Variants in PLCL2 observed in about 807,000 individuals in gnomAD.
PLCL2 encodes the protein inactive phospholipase C-like protein 2.
PLCL2 carries 4 observed loss-of-function variants against 79.6 expected under a neutral mutation model. That is an observed-to-expected ratio of 0.05 (90% CI 0.02 to 0.11). The LOEUF (loss-of-function observed/expected upper bound fraction) is 0.11, where lower values mean the gene tolerates loss of function less well. Among genes scored for constraint, PLCL2 ranks in the 10% least tolerant of loss-of-function variants. The pLI is 1.00. For synonymous variants in PLCL2, 484 were observed against 457.7 expected, an observed-to-expected ratio of 1.06 and a Z score of -0.73; for missense variants, 895 against 1,291.0, an observed-to-expected ratio of 0.69 and a Z score of 4.70.
At chr3:17,053,698 T>A (rs1014914867) in intron 4 of PLCL2, among the ~76,000 whole-genome samples, 1 of 152,190 alleles carries the variant, frequency 6.6e-6, no homozygotes, top group African/African-American at 2.4e-5. Context: ...AATGGGGATA[T>A]AGGGATTGAG....
intron 1 of PLCL2, among the ~76,000 whole-genome samples, chr3:16,942,156 A>G (rs1167570529): frequency 6.6e-6 from 1 of 152,212 alleles, no homozygotes; most frequent in African/African-American, 2.4e-5. Flanking sequence ...GTGGGCCCCC[A>G]GACTGAGCCT....
intron 1 of PLCL2, among the ~76,000 whole-genome samples, chr3:16,959,285 C>G (rs1272645169): frequency 6.6e-6 from 1 of 152,168 alleles, no homozygotes; most frequent in African/African-American, 2.4e-5. Context: ...GCTCCTATCT[C>G]TGCGTCTCTC....
At chr3:17,061,910 C>G (rs1309625159) in intron 4 of PLCL2, among the ~76,000 whole-genome samples, 1 of 152,168 alleles carries the variant, frequency 6.6e-6, no homozygotes, top group East Asian at 1.9e-4. Flanking sequence ...TAAGGATTTT[C>G]CATGTGTCCT....
intron 1 of PLCL2, among the ~76,000 whole-genome samples, chr3:16,909,574 T>C (rs955674982): frequency 3.9e-5 from 6 of 152,190 alleles, no homozygotes; most frequent in Admixed American, 1.3e-4. Flanking sequence ...ATCAAGAGGA[T>C]TGGGAACAAG....
chr3:17,010,917 C>G lies in PLCL2; in HGVS notation c.1571C>G (p.Ser524Cys), dbSNP rs2064314082. ...PLILCLENHC[S>C]IKQQKVMVQH... Reference sequence around the variant, plus strand: ...ATCTTGTGTTTAGAAAACCACTGTTCCATTAAACAACAGAAGGTAATGGTT... The same window carrying G: ...ATCTTGTGTTTAGAAAACCACTGTTGCATTAAACAACAGAAGGTAATGGTT... Residue 524 changes from serine to cysteine, a missense_variant, in exon 2 of 6, where the codon TCC becomes TGC. By Grantham distance (112) the Ser-to-Cys change is moderately radical. Coordinates refer to ENST00000615277, the MANE Select transcript of PLCL2 (RefSeq NM_001144382.2). The surrounding 1 kb of genome is among the most constrained non-coding windows in gnomAD (Gnocchi z 5.8). The G allele has an allele frequency of 3.1e-6, 5 of 1,613,918 alleles. No homozygotes were observed. The highest frequency in any genetic ancestry group is 4.2e-6 in the Non-Finnish European group (5 of 1,179,962).
chr3:17,043,526 C>G (rs946426832), intron 4 of PLCL2, among the ~76,000 whole-genome samples: 2 of 151,876 alleles, frequency 1.3e-5, no homozygotes, highest in Admixed American at 6.6e-5. Context: ...ATTCAGTATT[C>G]TGCATTGTAA....
intron 1 of PLCL2, among the ~76,000 whole-genome samples, chr3:17,002,686 C>A (rs1261966907): frequency 6.6e-6 from 1 of 151,994 alleles, no homozygotes; most frequent in African/African-American, 2.4e-5. Context: ...TATTTTGTTG[C>A]CCTATTATCT....
chr3:16,994,680 G>A (rs969795643), intron 1 of PLCL2, among the ~76,000 whole-genome samples: 1 of 152,168 alleles, frequency 6.6e-6, no homozygotes, highest in African/African-American at 2.4e-5. Flanking sequence ...TGTTTGAAAT[G>A]GTGATCCTAC....
At chr3:17,033,854 T>C (rs1288985754) in intron 3 of PLCL2, among the ~76,000 whole-genome samples, 1 of 152,182 alleles carries the variant, frequency 6.6e-6, no homozygotes, top group Non-Finnish European at 1.5e-5. Flanking sequence ...AGAACTGTGA[T>C]ATTGTTTTTA....
At chr3:16,951,029 C>G (rs976192857) in intron 1 of PLCL2, among the ~76,000 whole-genome samples, 3 of 152,160 alleles carry the variant, frequency 2.0e-5, no homozygotes, top group Admixed American at 6.6e-5. Context: ...ATGACAGCCT[C>G]TCTTCCACCC....
chr3:16,897,100 G>C (rs1180839872), intron 1 of PLCL2, among the ~76,000 whole-genome samples: 2 of 152,072 alleles, frequency 1.3e-5, no homozygotes, highest in African/African-American at 4.8e-5. Context: ...GGGGTGTAGG[G>C]GGCAGGATTA....
chr3:16,925,273 C>T (rs1697220328), intron 1 of PLCL2, among the ~76,000 whole-genome samples: 1 of 151,526 alleles, frequency 6.6e-6, no homozygotes, highest in Admixed American at 6.6e-5. Context: ...TATGGTTAAC[C>T]AGCATGTACA....
chr3:17,061,779 G>T (rs2064955494), intron 4 of PLCL2, among the ~76,000 whole-genome samples: 1 of 152,076 alleles, frequency 6.6e-6, no homozygotes, highest in Non-Finnish European at 1.5e-5. Context: ...TAAAGCAAAA[G>T]TTACATGATT....
rs386355771 is a variant in PLCL2 at position 16,970,056 on chromosome 3, A to ATTT, written c.328-39617_328-39616insTTT. 1.0e-3 allele frequency among the ~76,000 whole-genome samples: 148 copies of ATTT among 144,722 alleles called. 1 individual carries two copies. In the East Asian group the frequency reaches 0.013, roughly 12 times the overall value. 94.9% of individuals were successfully genotyped at this position (144,722 alleles called of 152,430 possible). Reference sequence around the variant, plus strand: ...CTTTGATTTATATATATATATATATATATTTTATTTTATTATTATTACACT... The same window carrying ATTT: ...CTTTGATTTATATATATATATATATATTTTATTTTATTTTATTATTATTACACT... On this transcript the variant is annotated intron_variant, in intron 1 of 5. Transcript: ENST00000615277.
At chr3:17,045,969 CA>C (rs1239396882) in intron 4 of PLCL2, among the ~76,000 whole-genome samples, 1 of 152,074 alleles carries the variant, frequency 6.6e-6, no homozygotes, top group African/African-American at 2.4e-5. Context: ...GGATTCAAGA[CA>C]GGGGCAAGAG....
At chr3:17,051,129 TG>T (rs2064834326) in intron 4 of PLCL2, among the ~76,000 whole-genome samples, 1 of 145,964 alleles carries the variant, frequency 6.9e-6, no homozygotes, top group African/African-American at 2.5e-5. Flanking sequence ...AATGGAAAGA[TG>T]GTTACCCGAG....
intron 5 of PLCL2, among the ~76,000 whole-genome samples, chr3:17,080,409 G>C (rs1441987153): frequency 6.6e-6 from 1 of 152,112 alleles, no homozygotes; most frequent in Non-Finnish European, 1.5e-5. Flanking sequence ...ATAATAATGA[G>C]AGGCGATTTA....
chr3:17,090,363 T>G lies in PLCL2; in HGVS notation c.*451T>G, dbSNP rs1575627370. The G allele has an allele frequency of 1.8e-6, 1 of 545,508 alleles. No homozygotes were observed. The highest frequency in any genetic ancestry group is 2.3e-6 in the Non-Finnish European group (1 of 428,158). The allele number at this position is 545,508 out of a possible 1,614,324, so 33.8% of individuals were successfully genotyped here. A position where few individuals can be genotyped will look rare whatever the true frequency, so the allele number is the denominator to read the frequency against. Reference sequence around the variant, plus strand: ...TAGATGATTTTGGTGGCATGCTTGCTGAGCCATAATTACTAAAGAGAATGT... The same window carrying G: ...TAGATGATTTTGGTGGCATGCTTGCGGAGCCATAATTACTAAAGAGAATGT... On this transcript the variant is annotated 3_prime_UTR_variant, in exon 6 of 6. Coordinates refer to ENST00000615277, the MANE Select transcript of PLCL2 (RefSeq NM_001144382.2).
chr3:17,059,509 C>T (rs1000282162), intron 4 of PLCL2, among the ~76,000 whole-genome samples: 3 of 149,042 alleles, frequency 2.0e-5, no homozygotes, highest in African/African-American at 7.5e-5. Context: ...TGTATATATA[C>T]ACACATATAC....
Sources: gnomAD v4.1 joint callset for allele counts (sites outside exome capture counted in the v4.1 genomes callset) on GRCh38, gnomAD v4.1.1 for gene constraint, Gnocchi (gnomAD v3.1) non-coding constraint, MANE v1.5 for transcripts, NCBI Gene and HGNC (gene_info 2026-07-23, HGNC 2026-07-21) for gene names.